Variants in DNAH11 observed in about 807,000 individuals in gnomAD.
DNAH11 encodes axonemal beta dynein heavy chain 11.
A neutral mutation model predicts 526.0 loss-of-function variants in DNAH11; 442 were observed. The observed-to-expected ratio is 0.84, with a 90% CI of 0.78 to 0.91. The LOEUF (loss-of-function observed/expected upper bound fraction) is 0.91. Ranked by LOEUF, DNAH11 falls within the 40% of genes least tolerant of loss-of-function variation. DNAH11 has a pLI of 0.00. For missense variants in DNAH11, 6,989 were observed against 5,448.7 expected, an observed-to-expected ratio of 1.28 and a Z score of -8.90; for synonymous variants, 2,461 against 1,935.9, an observed-to-expected ratio of 1.27 and a Z score of -7.12.
At chr7:21,715,142 G>C (rs1784603836) in intron 42 of DNAH11, among the ~76,000 whole-genome samples, 1 of 152,202 alleles carries the variant, frequency 6.6e-6, no homozygotes, top group Non-Finnish European at 1.5e-5. Context: ...AGGCCACGGT[G>C]AATGACAGAG....
At chr7:21,682,295 G>A (rs948398792) in intron 31 of DNAH11, among the ~76,000 whole-genome samples, 9 of 152,120 alleles carry the variant, frequency 5.9e-5, no homozygotes, top group Non-Finnish European at 8.8e-5. Context: ...GGGAGGCCAA[G>A]GCAGGCAGAT....
At chr7:21,814,061 C>G (rs567355799) in intron 63 of DNAH11, among the ~76,000 whole-genome samples, 2 of 152,284 alleles carry the variant, frequency 1.3e-5, no homozygotes, top group East Asian at 1.9e-4. Flanking sequence ...CAAACCTGCA[C>G]AGCATGTTAT....
At chr7:21,657,168 A>C (rs1340681401) in intron 29 of DNAH11, among the ~76,000 whole-genome samples, 3 of 151,018 alleles carry the variant, frequency 2.0e-5, no homozygotes, top group African/African-American at 7.4e-5. Context: ...AGATGCTTTT[A>C]ATTTGGTGCT....
At position 21,591,282 on chromosome 7, in the gene DNAH11, C is replaced by T; in HGVS notation, c.2372C>T (p.Ala791Val). 1.2e-6 allele frequency: 2 copies of T among 1,612,938 alleles called. No homozygotes were observed. The highest frequency in any genetic ancestry group is 1.7e-6 in the Non-Finnish European group (2 of 1,179,286). Residue 791 changes from alanine (A) to valine (V), a missense_variant, in exon 14 of 82, where the codon GCT becomes GTT. Physicochemically the swap from Ala to Val is moderately conservative, Grantham distance 64 (BLOSUM62 0). Transcript: ENST00000409508. ...CCTCTGATTGAAGATGAGCTGAGGG[C>T]TATTGACGAGCAGCTGACAGCAGCC... The part of the protein sequence containing the change: ...EYPLIEDELR[A>V]IDEQLTAATT...
In DNAH11 at chr7:21,594,018, T is replaced by G. The variant is rs868758286; in HGVS notation, c.2667+2441T>G. ...TTCCTCTCACATATCACACACACAC[T>G]CACACACACTCTTTCTCCCTCATGC... On this transcript the variant is annotated intron_variant, in intron 14 of 81. Coordinates refer to ENST00000409508, the MANE Select transcript of DNAH11 (RefSeq NM_001277115.2). Among the ~76,000 whole-genome samples the G allele has an allele frequency of 6.9e-5, 10 of 143,918 alleles. No individual in the cohort carries two copies. In the South Asian group the frequency reaches 2.2e-3, roughly 32 times the overall value. 94.4% of individuals were successfully genotyped at this position (143,918 alleles called of 152,430 possible). A position where few individuals can be genotyped will look rare whatever the true frequency, so the allele number is the denominator to read the frequency against.
At chr7:21,759,781 C>A (rs903954425) in intron 54 of DNAH11, among the ~76,000 whole-genome samples, 1 of 152,110 alleles carries the variant, frequency 6.6e-6, no homozygotes, top group Non-Finnish European at 1.5e-5. Flanking sequence ...TATGTACTTA[C>A]GATGAGATCT....
chr7:21,824,719 G>A (rs1285408052), intron 65 of DNAH11, among the ~76,000 whole-genome samples: 2 of 152,172 alleles, frequency 1.3e-5, no homozygotes, highest in Admixed American at 6.5e-5. Flanking sequence ...TTTAACACGT[G>A]TGTGTATTCT....
At chr7:21,708,498 C>A (rs986204213) in intron 40 of DNAH11, among the ~76,000 whole-genome samples, 7 of 152,192 alleles carry the variant, frequency 4.6e-5, no homozygotes, top group Non-Finnish European at 7.3e-5. Flanking sequence ...CCCTGCAGTT[C>A]ATTTGACCTA....
chr7:21,807,791 C>T (rs1345832237), intron 62 of DNAH11, 92 bp from the exon 63 acceptor site: 28 of 1,274,682 alleles, frequency 2.2e-5, no homozygotes, highest in Admixed American at 1.9e-4. Flanking sequence ...TGTGGAAGGA[C>T]GTAAACCTTG....
chr7:21,638,063 A>T (rs1583552808), intron 27 of DNAH11, among the ~76,000 whole-genome samples: 1 of 152,168 alleles, frequency 6.6e-6, no homozygotes, highest in Non-Finnish European at 1.5e-5. Context: ...TTTAGTTTCT[A>T]TGTAGTTTCA....
chr7:21,734,054 G>C (rs1187977744), intron 45 of DNAH11, among the ~76,000 whole-genome samples: 70 of 152,152 alleles, frequency 4.6e-4, no homozygotes, highest in Non-Finnish European at 1.5e-5. Flanking sequence ...CACCCAGGCA[G>C]CCTGGCTCCA....
intron 6 of DNAH11, 138 bp downstream of exon 6, chr7:21,564,535 C>T: frequency 1.7e-6 from 1 of 602,260 alleles, no homozygotes; most frequent in Non-Finnish European, 2.7e-6. Context: ...TTTTTGGTAA[C>T]AAAGGCCAGG....
intron 43 of DNAH11, 40 bp from the exon 44 acceptor site, chr7:21,720,684 TA>T: frequency 2.6e-6 from 4 of 1,521,576 alleles, no homozygotes; most frequent in East Asian, 2.5e-5. Flanking sequence ...TTCACTATTT[TA>T]AAAAAATGTT....
At chr7:21,667,783 T>C (rs1782477068) in intron 30 of DNAH11, among the ~76,000 whole-genome samples, 1 of 150,282 alleles carries the variant, frequency 6.7e-6, no homozygotes, top group Admixed American at 7.0e-5. Flanking sequence ...ACGTATGTGA[T>C]TTTTTTTGCT....
At chr7:21,700,364 G>C (rs1209133799) in intron 36 of DNAH11, among the ~76,000 whole-genome samples, 1 of 152,210 alleles carries the variant, frequency 6.6e-6, no homozygotes, top group Admixed American at 6.5e-5. Context: ...AAATGGGTTT[G>C]GGAAAAGAAT....
chr7:21,657,258 A>C (rs562335377), intron 29 of DNAH11, among the ~76,000 whole-genome samples: 2 of 152,308 alleles, frequency 1.3e-5, no homozygotes, highest in East Asian at 3.9e-4. Flanking sequence ...TTGAATACCT[A>C]CTATGCATCA....
chr7:21,720,976 T>A, intron 44 of DNAH11, 120 bp downstream of exon 44: 2 of 1,269,162 alleles, frequency 1.6e-6, no homozygotes, highest in Non-Finnish European at 2.1e-6. Context: ...CTGCTTGCCC[T>A]GTTCTCTCCT....
rs373358447 is a variant in DNAH11 at position 21,711,799 on chromosome 7, C to G, written c.6922C>G (p.Pro2308Ala). The stretch of plus-strand genomic sequence containing the variant: ...GATACATCACTTAAGGAGCGCAACC[C>G]CGGCCACTGTTTCCAGAGCTGGTAT... The part of the protein sequence containing the change: ...FEIHHLRSAT[P>A]ATVSRAGILY... The change falls in exon 42 of 82, where the codon CCG becomes GCG. Residue 2308 changes from proline to alanine, a missense_variant. Pro to Ala is a conservative substitution (Grantham distance 27). Coordinates refer to ENST00000409508, the MANE Select transcript of DNAH11 (RefSeq NM_001277115.2). 1.2e-4 allele frequency: 197 copies of G among 1,613,742 alleles called. No individual in the cohort carries two copies. The highest frequency in any genetic ancestry group is 1.5e-4 in the Non-Finnish European group (180 of 1,179,830).
At chr7:21,791,949 G>A (rs902723588) in intron 61 of DNAH11, among the ~76,000 whole-genome samples, 5 of 152,202 alleles carry the variant, frequency 3.3e-5, no homozygotes, top group African/African-American at 9.7e-5. Flanking sequence ...TCTGCAGGCT[G>A]TACAGGAAGC....
Sources: allele counts gnomAD v4.1 joint callset (sites outside exome capture counted in the v4.1 genomes callset), GRCh38; gene constraint gnomAD v4.1.1; transcripts MANE v1.5; gene names NCBI Gene and HGNC (gene_info 2026-07-23, HGNC 2026-07-21).